UPF2: variants seen among roughly 807,000 people sequenced by gnomAD.
The protein encoded by UPF2 is UPF2 regulator of nonsense mediated mRNA decay, also known as regulator of nonsense transcripts 2.
UPF2 carries 17 observed loss-of-function variants against 141.4 expected under a neutral mutation model. The observed-to-expected ratio is 0.12, with a 90% CI of 0.08 to 0.18. The LOEUF (loss-of-function observed/expected upper bound fraction) is 0.18, where lower values mean the gene tolerates loss of function less well. Ranked by LOEUF, UPF2 falls within the 10% of genes least tolerant of loss-of-function variation. The pLI, the probability that UPF2 is intolerant of heterozygous loss-of-function variation, is 1.00. For missense variants in UPF2, 1,152 were observed against 1,515.9 expected (o/e 0.76, Z 3.99); for synonymous variants, 540 against 498.0 (o/e 1.08, Z -1.12).
chr10:12,016,462 G>A lies in UPF2; in HGVS notation c.1146-2278C>T, dbSNP rs933761840. Among the ~76,000 whole-genome samples the A allele has an allele frequency of 2.8e-4, 43 of 152,164 alleles. No individual in the cohort carries two copies. The highest frequency in any genetic ancestry group is 1.0e-3 in the African/African-American group (43 of 41,542). ...TGTAATCCCAGAACTTTGGAAGGCC[G>A]AGGTGGGAGGATCACAAGGTCAGGA... is the stretch of plus-strand genomic sequence containing the variant. On this transcript the variant is annotated intron_variant, in intron 3 of 21. Transcript: ENST00000357604. The surrounding 1 kb of genome is among the most constrained non-coding windows in gnomAD (Gnocchi z 4.1).
chr10:12,037,353 A>T (rs1450007917), intron 1 of UPF2, among the ~76,000 whole-genome samples: 1 of 147,496 alleles, frequency 6.8e-6, no homozygotes, highest in Non-Finnish European at 1.5e-5. Context: ...AAGTGCTGGG[A>T]TTACAGGTAT....
chr10:11,932,769 A>G (rs1437776073), intron 19 of UPF2, among the ~76,000 whole-genome samples: 1 of 152,206 alleles, frequency 6.6e-6, no homozygotes, highest in Non-Finnish European at 1.5e-5. Context: ...GATTTAGCTG[A>G]TATTTTGCAG....
intron 13 of UPF2, among the ~76,000 whole-genome samples, chr10:11,955,865 G>T (rs917277092): frequency 6.6e-6 from 1 of 152,082 alleles, no homozygotes; most frequent in Non-Finnish European, 1.5e-5. Flanking sequence ...CTGTTAGGCC[G>T]GGCGCAGTAG....
chr10:11,973,511 G>A (rs534986876), intron 9 of UPF2, among the ~76,000 whole-genome samples: 9 of 152,258 alleles, frequency 5.9e-5, no homozygotes, highest in African/African-American at 2.2e-4. Context: ...GGTTTTTATG[G>A]TTTTAGGTCT....
At chr10:11,951,128 T>C (rs966735185) in intron 15 of UPF2, among the ~76,000 whole-genome samples, 1 of 152,186 alleles carries the variant, frequency 6.6e-6, no homozygotes, top group Non-Finnish European at 1.5e-5. Flanking sequence ...AATGGCGTGA[T>C]CTTGGCTCAC....
chr10:12,017,846 A>C (rs1056088056), intron 3 of UPF2, among the ~76,000 whole-genome samples: 1 of 152,080 alleles, frequency 6.6e-6, no homozygotes, highest in Admixed American at 6.6e-5. Context: ...GCACCCATCA[A>C]CCTGTCATCT....
intron 12 of UPF2, among the ~76,000 whole-genome samples, chr10:11,958,835 AAAG>A (rs1833196193): frequency 6.6e-6 from 1 of 152,218 alleles, no homozygotes; most frequent in African/African-American, 2.4e-5. Context: ...AACGTCTACT[AAAG>A]GTTAGGATCC....
At chr10:12,004,489 C>A in intron 5 of UPF2, 41 bp downstream of exon 5, 1 of 1,489,590 alleles carries the variant, frequency 6.7e-7, no homozygotes, top group Non-Finnish European at 9.1e-7. Context: ...GAAGCTAATT[C>A]TTATAGCACT....
chr10:12,035,572 G>T (rs920663177), intron 1 of UPF2, 131 bp from the exon 2 acceptor site: 4 of 950,148 alleles, frequency 4.2e-6, no homozygotes, highest in Admixed American at 6.1e-5. Flanking sequence ...CAGGTAAAAT[G>T]AATACTATTT....
chr10:11,958,430 G>A (rs900888952), intron 12 of UPF2, among the ~76,000 whole-genome samples: 4 of 152,130 alleles, frequency 2.6e-5, no homozygotes, highest in African/African-American at 4.8e-5. Context: ...ATGAGAACTC[G>A]TTTAGCCATT....
chr10:12,002,788 G>C (rs1050912891), intron 5 of UPF2, among the ~76,000 whole-genome samples: 1 of 152,174 alleles, frequency 6.6e-6, no homozygotes, highest in Non-Finnish European at 1.5e-5. Context: ...AACTGAAGTT[G>C]AGTGATAGGT....
intron 15 of UPF2, 145 bp from the exon 16 acceptor site, chr10:11,948,653 G>A (rs960081954): frequency 5.0e-5 from 47 of 939,604 alleles, no homozygotes; most frequent in Non-Finnish European, 6.9e-5. Context: ...TAAAAACTAC[G>A]GTGAGAAACA....
intron 16 of UPF2, among the ~76,000 whole-genome samples, chr10:11,945,437 G>C (rs1222431965): frequency 6.6e-6 from 1 of 152,070 alleles, no homozygotes; most frequent in Non-Finnish European, 1.5e-5. Context: ...TTTGGAGGGC[G>C]GTCATAGGAA....
At position 11,936,441 on chromosome 10, in the gene UPF2, G is replaced by GT; in HGVS notation, c.3546+103dup. 1 of 1,238,222 alleles carries GT rather than the reference G, an allele frequency of 8.1e-7. No homozygotes were observed. Among genetic ancestry groups the GT allele is most frequent in the Non-Finnish European group, 1.1e-6 (1 of 914,486 alleles). 76.7% of individuals were successfully genotyped at this position (1,238,222 alleles called of 1,614,324 possible). ...GAAGAAATTATTCTACCACTGAATG[G>GT]TTTAAAACTGTCCAACCCTTATCCC... On this transcript the variant is annotated intron_variant, in intron 19 of 21. Transcript: ENST00000357604. The surrounding 1 kb of genome is among the most constrained non-coding windows in gnomAD (Gnocchi z 6.6).
intron 5 of UPF2, among the ~76,000 whole-genome samples, chr10:12,002,587 G>C (rs1455715539): frequency 6.6e-6 from 1 of 152,154 alleles, no homozygotes; most frequent in Non-Finnish European, 1.5e-5. Context: ...CAATTAGAAA[G>C]TCAGAAAAGG....
Position 12,024,931 on chromosome 10 carries a change from C to CAAAAA in UPF2, c.1145+3809_1145+3813dup, listed in dbSNP as rs61678431. On this transcript the variant is annotated intron_variant, in intron 3 of 21. Coordinates refer to ENST00000357604, the MANE Select transcript of UPF2 (RefSeq NM_015542.4). Reference sequence around the variant, plus strand: ...CCCAGGTAAGAGGGAGACCCTGTTACAAAAAAAAAAAAAAAAAAAAAAAAA... The same window carrying CAAAAA: ...CCCAGGTAAGAGGGAGACCCTGTTACAAAAAAAAAAAAAAAAAAAAAAAAAAAAAA... Among the ~76,000 whole-genome samples the CAAAAA allele has an allele frequency of 3.1e-3, 168 of 53,488 alleles. 43 individuals carry two copies. The highest frequency in any genetic ancestry group is 4.3e-3 in the Non-Finnish European group (135 of 31,058). 35.1% of individuals were successfully genotyped at this position (53,488 alleles called of 152,430 possible). A position where few individuals can be genotyped will look rare whatever the true frequency, so the allele number is the denominator to read the frequency against.
intron 3 of UPF2, among the ~76,000 whole-genome samples, chr10:12,015,678 G>A (rs1278773835): frequency 6.6e-6 from 1 of 152,080 alleles, no homozygotes; most frequent in African/African-American, 2.4e-5. Flanking sequence ...CTCCAGCCTG[G>A]GTGACAGAGT....
At chr10:11,938,841 AGTTTTTTTTTT>A (rs1461469094) in intron 18 of UPF2, among the ~76,000 whole-genome samples, 50 of 66,554 alleles carry the variant, frequency 7.5e-4, no homozygotes, top group African/African-American at 2.1e-3. Context: ...GTCTTAAGCA[AGTTTTTTTTTT>A]GTTTTTTTTT....
chr10:11,979,125 A>G lies in UPF2; in HGVS notation c.1885T>C (p.Leu629=). The G allele has an allele frequency of 6.2e-7, 1 of 1,613,692 alleles. No individual in the cohort carries two copies. The highest frequency in any genetic ancestry group is 8.5e-7 in the Non-Finnish European group (1 of 1,179,740). The change falls in exon 9 of 22, where the codon TTG becomes CTG. Residue 629 remains leucine (L), a synonymous_variant. Coordinates refer to ENST00000357604, the MANE Select transcript of UPF2 (RefSeq NM_015542.4). The surrounding 1 kb of genome is among the most constrained non-coding windows in gnomAD (Gnocchi z 6.2). Reference sequence around the variant, plus strand: ...GCTACATCAGACATGCAGGGATGCAATGTAGCAACCAATCTTGCATAAAAT... The same window carrying G: ...GCTACATCAGACATGCAGGGATGCAGTGTAGCAACCAATCTTGCATAAAAT... ...LPFYARLVAT[L]HPCMSDVAED...
Sources: gnomAD v4.1 joint callset for allele counts (sites outside exome capture counted in the v4.1 genomes callset) on GRCh38, gnomAD v4.1.1 for gene constraint, Gnocchi (gnomAD v3.1) non-coding constraint, MANE v1.5 for transcripts, NCBI Gene and HGNC (gene_info 2026-07-23, HGNC 2026-07-21) for gene names.